ACSL3: variants seen among roughly 807,000 people sequenced by gnomAD.
ACSL3 encodes the protein fatty acid CoA ligase Acsl3.
In ACSL3, 34 loss-of-function variants were observed where a neutral mutation model predicts 84.7. The observed-to-expected ratio is 0.40, with a 90% CI of 0.31 to 0.53. The LOEUF is 0.53. Ranked by LOEUF, ACSL3 falls within the 20% of genes least tolerant of loss-of-function variation. ACSL3 has a pLI of 0.48. For synonymous variants in ACSL3, 315 were observed against 299.4 expected (o/e 1.05, Z -0.54); for missense variants, 680 against 873.1 (o/e 0.78, Z 2.79).
At chr2:222,903,227 T>C (rs184864088) in intron 3 of ACSL3, among the ~76,000 whole-genome samples, 1 of 152,306 alleles carries the variant, frequency 6.6e-6, no homozygotes, top group East Asian at 1.9e-4. Context: ...ACTTTTCATC[T>C]CCTGGTCTCA....
At chr2:222,921,464 G>GTATT in intron 8 of ACSL3, 34 bp downstream of exon 8, 1 of 1,541,100 alleles carries the variant, frequency 6.5e-7, no homozygotes, top group East Asian at 2.3e-5. Flanking sequence ...GAGTAGTTAA[G>GTATT]TATTTATGTC....
intron 11 of ACSL3, 41 bp from the exon 12 acceptor site, chr2:222,926,976 T>G (rs764131200): frequency 3.8e-6 from 6 of 1,588,744 alleles, no homozygotes; most frequent in Non-Finnish European, 4.3e-6. Flanking sequence ...AAAATCCCAT[T>G]CAGTTTTAAA....
rs77358401 is a variant in ACSL3 at position 222,917,723 on chromosome 2, A to G, written c.557-323A>G. ...ACATTGTAAAGCCAAGTGGCCAACAATTAAGAATTTGAAGTCTTAGAAATC... is the reference window on the plus strand; with the variant it reads ...ACATTGTAAAGCCAAGTGGCCAACAGTTAAGAATTTGAAGTCTTAGAAATC... On this transcript the variant is annotated intron_variant, in intron 5 of 16. Transcript: ENST00000357430. The G allele has an allele frequency of 4.7e-3, 805 of 172,564 alleles. 8 individuals are homozygous for G. Among genetic ancestry groups the G allele is most frequent in the African/African-American group, 0.018 (744 of 42,386 alleles). The allele number at this position is 172,564 out of a possible 1,614,324, so 10.7% of individuals were successfully genotyped here.
intron 11 of ACSL3, 87 bp from the exon 12 acceptor site, chr2:222,926,930 C>T (rs1696896038): frequency 7.2e-7 from 1 of 1,393,596 alleles, no homozygotes; most frequent in Non-Finnish European, 9.7e-7. Context: ...CAAAATCTCT[C>T]ATATCAAAAC....
At chr2:222,937,575 T>G (rs1169258904) in intron 16 of ACSL3, among the ~76,000 whole-genome samples, 1 of 152,192 alleles carries the variant, frequency 6.6e-6, no homozygotes, top group East Asian at 1.9e-4. Flanking sequence ...TCTTTGTCTA[T>G]TGTGACAATT....
chr2:222,930,536 T>G, intron 13 of ACSL3, 85 bp from the exon 14 acceptor site: 1 of 1,161,338 alleles, frequency 8.6e-7, no homozygotes, highest in South Asian at 1.9e-5. Flanking sequence ...TGGATTAAAA[T>G]AAGATGACTG....
intron 1 of ACSL3, among the ~76,000 whole-genome samples, chr2:222,867,678 T>C (rs1161174598): frequency 6.6e-6 from 1 of 152,230 alleles, no homozygotes; most frequent in African/African-American, 2.4e-5. Flanking sequence ...CTATACCATA[T>C]TTATTTCCCC....
rs1697177486 is a variant in ACSL3, at chr2:222,936,616, C to G, written c.2005+1929C>G. On this transcript the variant is annotated intron_variant, in intron 16 of 16. Transcript: ENST00000357430. ...ATCAGAATTCTGCACCCTCCCCCCC[C>G]ACCCCACCCCCGTAGTTAAGTTGTA... Among the ~76,000 whole-genome samples the G allele has an allele frequency of 6.1e-5, 9 of 146,412 alleles. No individual in the cohort carries two copies. In the South Asian group the frequency reaches 2.1e-3, roughly 33 times the overall value.
intron 1 of ACSL3, chr2:222,861,805 A>T (rs1695020854): frequency 6.6e-6 from 1 of 152,324 alleles, no homozygotes; most frequent in Non-Finnish European, 1.5e-5. Context: ...TGGGACTGGG[A>T]TTAAGACTGT....
At chr2:222,893,934 G>GAT (rs1315606752) in intron 2 of ACSL3, among the ~76,000 whole-genome samples, 1 of 152,138 alleles carries the variant, frequency 6.6e-6, no homozygotes, top group African/African-American at 2.4e-5. Flanking sequence ...GGGCTGGAGA[G>GAT]ATCCTCCCAC....
chr2:222,932,584 C>T (rs977884858), intron 14 of ACSL3, among the ~76,000 whole-genome samples: 9 of 152,210 alleles, frequency 5.9e-5, no homozygotes, highest in Non-Finnish European at 1.2e-4. Context: ...CCGCCTCGGC[C>T]TCCCGAAGTG....
At chr2:222,862,039 T>A (rs1695028180) in intron 1 of ACSL3, among the ~76,000 whole-genome samples, 1 of 152,122 alleles carries the variant, frequency 6.6e-6, no homozygotes, top group South Asian at 2.1e-4. Flanking sequence ...GTATAAAAGA[T>A]CCCTCGAAAA....
At chr2:222,886,863 A>G (rs1050698916) in intron 1 of ACSL3, among the ~76,000 whole-genome samples, 1 of 152,036 alleles carries the variant, frequency 6.6e-6, no homozygotes, top group African/African-American at 2.4e-5. Context: ...CTCTTTATCA[A>G]CATCCCCCTA....
At position 222,930,761 on chromosome 2, in the gene ACSL3, T is replaced by C. The variant is rs944906350; in HGVS notation, c.1681T>C (p.Cys561Arg). Reference sequence around the variant, plus strand: ...AGATGAAAATGGACAAAGGTGGCTCTGTACTGGGGATATTGGAGAGTTTGA... The same window carrying C: ...AGATGAAAATGGACAAAGGTGGCTCCGTACTGGGGATATTGGAGAGTTTGA... ...FEDENGQRWLCTGDIGEFEPD... is the reference protein window; with the variant it reads ...FEDENGQRWLRTGDIGEFEPD... Residue 561 changes from cysteine (C) to arginine (R), a missense_variant, in exon 14 of 17, where the codon TGT (cysteine) becomes CGT (arginine). By Grantham distance (180) the Cys-to-Arg change is radical. Transcript: ENST00000357430. The C allele has an allele frequency of 2.5e-6, 4 of 1,614,134 alleles. No homozygotes were observed. The highest frequency in any genetic ancestry group is 1.7e-6 in the Non-Finnish European group (2 of 1,180,000).
At chr2:222,914,016 C>T (rs1214537874) in intron 4 of ACSL3, among the ~76,000 whole-genome samples, 1 of 151,956 alleles carries the variant, frequency 6.6e-6, no homozygotes, top group Non-Finnish European at 1.5e-5. Flanking sequence ...CTCTGTGGCT[C>T]CCCTCAGAAT....
At chr2:222,876,198 T>C (rs549532628) in intron 1 of ACSL3, among the ~76,000 whole-genome samples, 1 of 152,250 alleles carries the variant, frequency 6.6e-6, no homozygotes, top group Non-Finnish European at 1.5e-5. Flanking sequence ...GTGTGTGATT[T>C]GTAAATCATA....
chr2:222,928,163 C>A (rs1261494425), intron 12 of ACSL3, among the ~76,000 whole-genome samples: 3 of 152,158 alleles, frequency 2.0e-5, no homozygotes, highest in African/African-American at 7.2e-5. Flanking sequence ...AATAGTAATT[C>A]ATAATAGTGG....
At chr2:222,866,364 C>T (rs1487559985) in intron 1 of ACSL3, among the ~76,000 whole-genome samples, 3 of 152,196 alleles carry the variant, frequency 2.0e-5, no homozygotes, top group Non-Finnish European at 4.4e-5. Context: ...TCAGGATGGT[C>T]TTGATCTTCT....
At chr2:222,922,918 G>C (rs866487232) in intron 9 of ACSL3, 87 bp downstream of exon 9, 6 of 1,535,310 alleles carry the variant, frequency 3.9e-6, no homozygotes, top group Non-Finnish European at 5.3e-6. Context: ...AGTATATTGC[G>C]AGAGCGATGG....
Sources: allele counts gnomAD v4.1 joint callset (sites outside exome capture counted in the v4.1 genomes callset), GRCh38; gene constraint gnomAD v4.1.1; transcripts MANE v1.5; gene names NCBI Gene and HGNC (gene_info 2026-07-23, HGNC 2026-07-21).